The following TSPAN12 variants were observed in gnomAD, a reference collection of about 807,000 sequenced individuals.
TSPAN12 encodes tetraspanin-12.
Under a neutral mutation model 39.2 loss-of-function variants are expected in TSPAN12, and 19 were observed. The ratio of observed to expected loss-of-function variants is 0.49; its 90% CI spans 0.34 to 0.71. The LOEUF (loss-of-function observed/expected upper bound fraction) is 0.71. Among genes scored for constraint, TSPAN12 ranks in the 30% least tolerant of loss-of-function variants. The pLI is 0.01. For missense variants in TSPAN12, 314 were observed against 359.9 expected, an observed-to-expected ratio of 0.87 and a Z score of 1.03; for synonymous variants, 119 against 124.8, an observed-to-expected ratio of 0.95 and a Z score of 0.31.
chr7:120,842,252 T>C (rs1794591983), intron 2 of TSPAN12, among the ~76,000 whole-genome samples: 1 of 152,070 alleles, frequency 6.6e-6, no homozygotes, highest in Non-Finnish European at 1.5e-5. Context: ...AAATTATGGC[T>C]ATCTGCTTGG....
At chr7:120,830,117 A>C (rs1726247208) in intron 4 of TSPAN12, among the ~76,000 whole-genome samples, 1 of 152,170 alleles carries the variant, frequency 6.6e-6, no homozygotes, top group African/African-American at 2.4e-5. Context: ...ATATGCTGAA[A>C]ATTATAAAAT....
rs367845592 is a variant in TSPAN12 at position 120,798,128 on chromosome 7, T to A, written c.612+8421A>T. Among the ~76,000 whole-genome samples the A allele has an allele frequency of 1.1e-4, 16 of 152,228 alleles. No individual in the cohort carries two copies. The East Asian group carries it at 1.2e-3, about 11-fold the overall frequency. On this transcript the variant is annotated intron_variant, in intron 7 of 7. Coordinates refer to ENST00000222747, the MANE Select transcript of TSPAN12 (RefSeq NM_012338.4). ...AGAATAGAGAACAGGAAACTCACAA[T>A]TGAATGATGTCGAGAAACAGAGTGA...
intron 5 of TSPAN12, 119 bp downstream of exon 5, chr7:120,815,610 C>T: frequency 3.2e-6 from 3 of 934,434 alleles, no homozygotes; most frequent in East Asian, 5.3e-5. Context: ...AGTTAATTTA[C>T]AAATTACCCA....
chr7:120,799,822 ATATATTAAT>A (rs1459679270), intron 7 of TSPAN12, among the ~76,000 whole-genome samples: 1 of 136,880 alleles, frequency 7.3e-6, no homozygotes, highest in Non-Finnish European at 1.5e-5. Context: ...ATTTATTTTA[ATATATTAAT>A]TATATTAATA....
intron 4 of TSPAN12, among the ~76,000 whole-genome samples, chr7:120,828,655 CTTT>C (rs752697203): frequency 5.6e-5 from 7 of 125,496 alleles, no homozygotes; most frequent in Admixed American, 8.5e-5. Context: ...TTTCTTTCTC[CTTT>C]TTTTTTTTTT....
intron 2 of TSPAN12, among the ~76,000 whole-genome samples, chr7:120,855,086 T>G (rs1356000801): frequency 6.6e-6 from 1 of 152,194 alleles, no homozygotes; most frequent in East Asian, 1.9e-4. Flanking sequence ...TGTTGAATGA[T>G]TTGGTTCTTT....
chr7:120,820,782 A>G (rs1794174294), intron 4 of TSPAN12, among the ~76,000 whole-genome samples: 2 of 152,162 alleles, frequency 1.3e-5, no homozygotes, highest in African/African-American at 2.4e-5. Context: ...AATAATGAGT[A>G]GTTTACCAAC....
In TSPAN12 at chr7:120,788,304, A is replaced by C; in HGVS notation, c.*288T>G. 1 of 428,692 alleles carries C rather than the reference A, an allele frequency of 2.3e-6. No individual in the cohort carries two copies. Among genetic ancestry groups the C allele is most frequent in the South Asian group, 2.3e-5 (1 of 43,042 alleles). The allele number at this position is 428,692 out of a possible 1,614,324, so 26.6% of individuals were successfully genotyped here. On this transcript the variant is annotated 3_prime_UTR_variant, in exon 8 of 8. Transcript: ENST00000222747. ...TGCATGGATGCGGAAATGCTAATCA[A>C]ACCATGCTGCCTCAAAACATAACTG...
chr7:120,855,811 A>G (rs957849749), intron 2 of TSPAN12, among the ~76,000 whole-genome samples: 2 of 152,242 alleles, frequency 1.3e-5, no homozygotes, highest in African/African-American at 4.8e-5. Context: ...TCAGCACGCC[A>G]GCCAGTCAGC....
intron 7 of TSPAN12, among the ~76,000 whole-genome samples, chr7:120,789,104 A>G (rs937929690): frequency 3.3e-5 from 5 of 152,200 alleles, no homozygotes; most frequent in African/African-American, 7.2e-5. Context: ...GCTGATTCCA[A>G]TGAGCCAACC....
intron 4 of TSPAN12, among the ~76,000 whole-genome samples, chr7:120,825,734 T>C (rs1794273380): frequency 6.6e-6 from 1 of 152,180 alleles, no homozygotes; most frequent in East Asian, 1.9e-4. Context: ...TACAAGATAA[T>C]GGAACAGCCA....
At chr7:120,830,169 A>C (rs1220584596) in intron 4 of TSPAN12, among the ~76,000 whole-genome samples, 1 of 152,148 alleles carries the variant, frequency 6.6e-6, no homozygotes, top group African/African-American at 2.4e-5. Context: ...AAATAGAAAG[A>C]TATCCCATGT....
rs1794526517 is a variant in TSPAN12, at chr7:120,838,838, A to G, written c.224T>C (p.Ile75Thr). Residue 75 changes from isoleucine to threonine, a missense_variant, in exon 4 of 8, where the codon ATC becomes ACC. By Grantham distance (89) the Ile-to-Thr change is moderately conservative. Coordinates refer to ENST00000222747, the MANE Select transcript of TSPAN12 (RefSeq NM_012338.4). ...PVMIAVCCFL[I>T]IVGMLGYCGT... ...ACAATATCCTAACATCCCCACAATG[A>G]TAAGGAAACAGCAAACAGCAATCAT... The G allele has an allele frequency of 1.2e-6, 2 of 1,614,044 alleles. No individual in the cohort carries two copies. Among genetic ancestry groups the G allele is most frequent in the African/African-American group, 2.7e-5 (2 of 75,038 alleles).
At chr7:120,826,931 C>T (rs1738182551) in intron 4 of TSPAN12, among the ~76,000 whole-genome samples, 1 of 152,112 alleles carries the variant, frequency 6.6e-6, no homozygotes, top group Non-Finnish European at 1.5e-5. Context: ...CCACGTTGGC[C>T]AGGCTGGTCT....
At chr7:120,840,198 C>T (rs1236572146) in intron 2 of TSPAN12, 89 bp from the exon 3 acceptor site, 2 of 1,000,838 alleles carry the variant, frequency 2.0e-6, no homozygotes, top group African/African-American at 1.6e-5. Context: ...GATTTTGTTA[C>T]ATAATATCTT....
At chr7:120,814,290 A>C (rs1794038834) in intron 5 of TSPAN12, 1 of 456,222 alleles carries the variant, frequency 2.2e-6, no homozygotes, top group Non-Finnish European at 4.4e-6. Context: ...CTGGAGACTT[A>C]CTACACTTTA....
At chr7:120,815,187 G>A (rs963765620) in intron 5 of TSPAN12, among the ~76,000 whole-genome samples, 1 of 152,136 alleles carries the variant, frequency 6.6e-6, no homozygotes, top group African/African-American at 2.4e-5. Context: ...TTGGAAATGT[G>A]CTTTAGACAC....
intron 2 of TSPAN12, among the ~76,000 whole-genome samples, chr7:120,854,198 T>C (rs1457321165): frequency 6.6e-6 from 1 of 152,170 alleles, no homozygotes; most frequent in East Asian, 1.9e-4. Flanking sequence ...TTTTTGTACA[T>C]ATAATGGGGT....
chr7:120,794,272 T>C (rs1013679751), intron 7 of TSPAN12, among the ~76,000 whole-genome samples: 2 of 152,224 alleles, frequency 1.3e-5, no homozygotes, highest in Middle Eastern at 3.2e-3. Flanking sequence ...ATTAGGCATG[T>C]AGAAACTTGC....
Sources: gnomAD v4.1 joint callset for allele counts (sites outside exome capture counted in the v4.1 genomes callset) on GRCh38, gnomAD v4.1.1 for gene constraint, MANE v1.5 for transcripts, NCBI Gene and HGNC (gene_info 2026-07-23, HGNC 2026-07-21) for gene names.